Variants in AFG2A observed in about 807,000 individuals in gnomAD.
AFG2A encodes ATPase family gene 2 protein homolog A.
the AFG2A span, among the ~76,000 whole-genome samples, chr4:123,122,305 A>C: frequency 6.6e-6 from 1 of 152,228 alleles, no homozygotes; most frequent in African/African-American, 2.4e-5. Context: ...TGAAAATATC[A>C]TAAGTCAAAA....
At chr4:123,130,659 A>G in the AFG2A span, among the ~76,000 whole-genome samples, 1 of 152,236 alleles carries the variant, frequency 6.6e-6, no homozygotes. Flanking sequence ...TATACATAAT[A>G]AACAATAAAG....
the AFG2A span, among the ~76,000 whole-genome samples, chr4:122,946,887 T>C: frequency 2.6e-5 from 4 of 152,050 alleles, no homozygotes; most frequent in African/African-American, 9.7e-5. Context: ...TTAAAACAAT[T>C]ATATGGTACA....
chr4:122,936,155 C>T, the AFG2A span: 14 of 1,597,394 alleles, frequency 8.8e-6, no homozygotes, highest in Admixed American at 8.6e-5. Flanking sequence ...AGCCACTCTA[C>T]GGTACTCTTT....
At chr4:123,046,624 T>A in the AFG2A span, among the ~76,000 whole-genome samples, 124,796 of 152,138 alleles carry the variant, frequency 0.82, 52,715 homozygotes, top group East Asian at 0.97. Flanking sequence ...CAAACATTGA[T>A]CTTTTCTTGG....
the AFG2A span, among the ~76,000 whole-genome samples, chr4:123,227,504 C>T: frequency 1.3e-5 from 2 of 152,008 alleles, no homozygotes; most frequent in Admixed American, 1.3e-4. Flanking sequence ...GTTCAGTTTC[C>T]ATGTAGTTGA....
chr4:122,929,325 G>T, the AFG2A span: 4 of 1,050,822 alleles, frequency 3.8e-6, no homozygotes, highest in Middle Eastern at 3.0e-4. Flanking sequence ...AGAGAAACAG[G>T]TACAATGAAT....
At chr4:123,192,137 G>A in the AFG2A span, among the ~76,000 whole-genome samples, 12 of 151,306 alleles carry the variant, frequency 7.9e-5, 1 homozygote, top group South Asian at 8.4e-4. Flanking sequence ...AGCGATTCTC[G>A]TGCCTCAGCT....
At chr4:122,979,194 G>A in the AFG2A span, 1 of 1,600,818 alleles carries the variant, frequency 6.2e-7, no homozygotes, top group Non-Finnish European at 8.5e-7. Context: ...ATTTATGAAG[G>A]AAAAGACAAA....
At chr4:123,318,081 A>C in the AFG2A span, 4 of 152,214 alleles carry the variant, frequency 2.6e-5, no homozygotes, top group African/African-American at 9.6e-5. Flanking sequence ...GCCTTAAACC[A>C]ATACAGTCAT....
At chr4:123,051,689 A>G in the AFG2A span, among the ~76,000 whole-genome samples, 1 of 40,792 alleles carries the variant, frequency 2.5e-5, no homozygotes, top group Non-Finnish European at 4.6e-5. Context: ...TCTGGCCTTT[A>G]TTTCTGAAGG....
At chr4:123,044,486 A>T in the AFG2A span, among the ~76,000 whole-genome samples, 11 of 152,210 alleles carry the variant, frequency 7.2e-5, no homozygotes, top group South Asian at 1.2e-3. Context: ...TTTTCTATCC[A>T]AGCTTCACCA....
the AFG2A span, among the ~76,000 whole-genome samples, chr4:123,279,001 G>A: frequency 6.6e-6 from 1 of 152,068 alleles, no homozygotes; most frequent in Non-Finnish European, 1.5e-5. Context: ...AACGTAAATG[G>A]CACCATATAT....
At chr4:123,207,188 G>A in the AFG2A span, among the ~76,000 whole-genome samples, 3 of 151,922 alleles carry the variant, frequency 2.0e-5, no homozygotes, top group East Asian at 3.9e-4. Flanking sequence ...GTTGTTCTAC[G>A]TAAAAGTGAT....
chr4:123,128,606 G>T, the AFG2A span, among the ~76,000 whole-genome samples: 1 of 152,004 alleles, frequency 6.6e-6, no homozygotes, highest in East Asian at 1.9e-4. Context: ...ATGAAAAGCT[G>T]TTGTGTAGTG....
At chr4:123,169,806 A>G in the AFG2A span, among the ~76,000 whole-genome samples, 1 of 152,064 alleles carries the variant, frequency 6.6e-6, no homozygotes, top group Non-Finnish European at 1.5e-5. Context: ...TAAAACCTAA[A>G]CCCTTTCCTC....
chr4:123,289,020 T>C, the AFG2A span, among the ~76,000 whole-genome samples: 1 of 152,240 alleles, frequency 6.6e-6, no homozygotes, highest in African/African-American at 2.4e-5. Context: ...AAGATTTATT[T>C]ATTTATTTCA....
the AFG2A span, among the ~76,000 whole-genome samples, chr4:123,044,361 G>C: frequency 0.012 from 1,877 of 152,242 alleles, 18 homozygotes; most frequent in Non-Finnish European, 0.018. Context: ...AAGGTCAGCT[G>C]CTGGGGTCTT....
the AFG2A span, among the ~76,000 whole-genome samples, chr4:122,996,570 C>CAGAT: frequency 0.22 from 30,894 of 139,376 alleles, 3,484 homozygotes; most frequent in South Asian, 0.25. Context: ...GGTAGGTAGG[C>CAGAT]AGATAGATAG....
the AFG2A span, among the ~76,000 whole-genome samples, chr4:123,033,005 T>G: frequency 0.012 from 1,845 of 152,310 alleles, 42 homozygotes; most frequent in African/African-American, 0.041. Context: ...TATCAGGACA[T>G]AACCCCCTTG....
Sources: gnomAD v4.1 joint callset for allele counts (sites outside exome capture counted in the v4.1 genomes callset) on GRCh38, gnomAD v4.1.1 for gene constraint, MANE v1.5 for transcripts, NCBI Gene and HGNC (gene_info 2026-07-23, HGNC 2026-07-21) for gene names.